PARP4: variants seen among roughly 807,000 people sequenced by gnomAD.
PARP4 encodes protein mono-ADP-ribosyltransferase PARP4.
PARP4 carries 120 observed loss-of-function variants against 187.7 expected under a neutral mutation model. The ratio of observed to expected loss-of-function variants is 0.64; its 90% confidence interval spans 0.55 to 0.74. The LOEUF (loss-of-function observed/expected upper bound fraction) is 0.74, where lower values mean the gene tolerates loss of function less well. Among genes scored for constraint, PARP4 ranks in the 30% least tolerant of loss-of-function variants. PARP4 has a pLI of 0.00. For missense variants in PARP4, 1,836 were observed against 2,070.5 expected (o/e 0.89, Z 2.20); for synonymous variants, 654 against 740.9 (o/e 0.88, Z 1.90).
Position 24,443,483 on chromosome 13 carries a change from C to T in PARP4, c.3447+167G>A, listed in dbSNP as rs1356557812. Among the ~76,000 whole-genome samples, 5 of 151,646 alleles carry T rather than the reference C, an allele frequency of 3.3e-5. No homozygotes were observed. In the East Asian group the frequency reaches 9.7e-4, roughly 29 times the overall value. On this transcript the variant is annotated intron_variant, in intron 28 of 33. Coordinates refer to ENST00000381989, the MANE Select transcript of PARP4 (RefSeq NM_006437.4). ...TGTTAATTCATTCAACAAACATTTA[C>T]CACACACCCCACATCCCAGGCACAG...
intron 9 of PARP4, 71 bp from the exon 10 acceptor site, chr13:24,490,899 A>G (rs1689430523): frequency 7.6e-7 from 1 of 1,314,430 alleles, no homozygotes; most frequent in Non-Finnish European, 1.1e-6. Context: ...TCACATTAAC[A>G]CTTTCTCAAA....
At position 24,446,757 on chromosome 13, in the gene PARP4, G is replaced by A. The variant is rs1254299999; in HGVS notation, c.3290C>T (p.Thr1097Ile). 2 of 1,585,804 alleles carry A rather than the reference G, an allele frequency of 1.3e-6. No individual in the cohort carries two copies. Among genetic ancestry groups the A allele is most frequent in the Non-Finnish European group, 1.7e-6 (2 of 1,154,656 alleles). Residue 1097 changes from threonine (T) to isoleucine (I), a missense_variant, in exon 27 of 34, where the codon ACT becomes ATT. Around this residue, in one of 8 missense-constraint regions of PARP4, gnomAD observed 56 missense variants for 56.6 expected, o/e 0.99. Coordinates refer to ENST00000381989, the MANE Select transcript of PARP4 (RefSeq NM_006437.4). ...TTTCTCTTGAATTAGTGCACACAGAGTTGCCTGAAATGGGGAAAAAAATAA... is the reference window on the plus strand; with the variant it reads ...TTTCTCTTGAATTAGTGCACACAGAATTGCCTGAAATGGGGAAAAAAATAA... ...YGFIPHCTQA[T>I]LCALIQEKEF...
At chr13:24,474,803 C>T (rs1038702440) in intron 15 of PARP4, among the ~76,000 whole-genome samples, 1 of 152,116 alleles carries the variant, frequency 6.6e-6, no homozygotes, top group African/African-American at 2.4e-5. Flanking sequence ...CATTCCTCTG[C>T]CAAACATCTA....
chr13:24,484,531 T>C lies in PARP4; in HGVS notation c.1448+122A>G, dbSNP rs115666185. 2,643 of 660,616 alleles carry C rather than the reference T, an allele frequency of 4.0e-3. 46 individuals are homozygous for C. Among genetic ancestry groups the C allele is most frequent in the African/African-American group, 0.036 (1,999 of 55,620 alleles). The allele number at this position is 660,616 out of a possible 1,614,324, so 40.9% of individuals were successfully genotyped here. A position where few individuals can be genotyped will look rare whatever the true frequency, so the allele number is the denominator to read the frequency against. ...AAGATGAAATAGTATTCCAGCCACA[T>C]TGAGGTCATATATAATAGATAAATC... On this transcript the variant is annotated intron_variant, in intron 12 of 33. Transcript: ENST00000381989.
Position 24,493,641 on chromosome 13 carries a change from C to T in PARP4, c.834G>A (p.Leu278=), listed in dbSNP as rs746419139. The T allele has an allele frequency of 4.3e-6, 7 of 1,613,874 alleles. No homozygotes were observed. The African/African-American group carries it at 9.3e-5, about 22-fold the overall frequency. Residue 278 remains leucine (L), a synonymous_variant, in exon 8 of 34, where the codon CTG becomes CTA. Transcript: ENST00000381989. ...EMIWAEALGH[L]EHMLLKPVNR... is the part of the protein sequence containing the mutation. The stretch of plus-strand genomic sequence containing the variant: ...TCACTGGCTTGAGAAGCATGTGTTC[C>T]AGGTGGCCCAGGGCCTCTGCCCAAA...
At chr13:24,421,475 T>A (rs1211778009) in intron 33 of PARP4, among the ~76,000 whole-genome samples, 161 bp from the exon 34 acceptor site, 1 of 152,286 alleles carries the variant, frequency 6.6e-6, no homozygotes, top group Admixed American at 6.5e-5. Context: ...CTTCTGCCCG[T>A]CTGACCTTGA....
chr13:24,452,861 GC>G (rs1456634597), intron 23 of PARP4, among the ~76,000 whole-genome samples: 1 of 152,142 alleles, frequency 6.6e-6, no homozygotes, highest in Non-Finnish European at 1.5e-5. Flanking sequence ...CATCCAATCA[GC>G]CCTGGATTTG....
chr13:24,445,299 C>A (rs6490935), intron 27 of PARP4, among the ~76,000 whole-genome samples: 4 of 151,540 alleles, frequency 2.6e-5, no homozygotes, highest in Admixed American at 6.6e-5. Flanking sequence ...CTAACAGGAC[C>A]CTTCAACCAC....
rs749455788 is a variant in PARP4, at chr13:24,453,661, A to G, written c.2759-7T>C. 6.4e-7 allele frequency: 1 copy of G among 1,570,762 alleles called. No homozygotes were observed. Among genetic ancestry groups the G allele is most frequent in the Non-Finnish European group, 8.8e-7 (1 of 1,140,612 alleles). ...GAAAATAGCTCCTTGTAACCTGTGT[A>G]ATAAGATCAGCATGAGGTGCTGCTT... is the stretch of plus-strand genomic sequence containing the variant. On this transcript the variant is annotated splice_region_variant and splice_polypyrimidine_tract_variant and intron_variant, in intron 22 of 33. Transcript: ENST00000381989.
At chr13:24,469,422 A>G (rs1365068808) in intron 16 of PARP4, among the ~76,000 whole-genome samples, 2 of 152,254 alleles carry the variant, frequency 1.3e-5, no homozygotes, top group Non-Finnish European at 2.9e-5. Flanking sequence ...GGGAAATTGT[A>G]GTTTCTAATT....
At chr13:24,459,347 A>G in intron 18 of PARP4, 37 bp from the exon 19 acceptor site, 2 of 1,484,122 alleles carry the variant, frequency 1.3e-6, no homozygotes, top group African/African-American at 1.4e-5. Context: ...AACTAAGCAT[A>G]TATTAAGTTT....
chr13:24,472,638 A>C (rs1449592265), intron 15 of PARP4, among the ~76,000 whole-genome samples: 1 of 152,050 alleles, frequency 6.6e-6, no homozygotes, highest in Non-Finnish European at 1.5e-5. Context: ...CAAAAACTTA[A>C]CTTTCCAAGC....
intron 14 of PARP4, among the ~76,000 whole-genome samples, chr13:24,477,324 A>T (rs1232311286): frequency 6.6e-6 from 1 of 151,966 alleles, no homozygotes; most frequent in Non-Finnish European, 1.5e-5. Flanking sequence ...TAAAAAAAAA[A>T]GTCACGGATG....
chr13:24,485,265 G>C (rs761511898), intron 11 of PARP4, among the ~76,000 whole-genome samples: 4 of 151,962 alleles, frequency 2.6e-5, no homozygotes, highest in Non-Finnish European at 5.9e-5. Context: ...GGGTTCATTT[G>C]TGTTTAATAT....
Position 24,434,920 on chromosome 13 carries a change from G to A in PARP4, c.4221C>T (p.Ser1407=), listed in dbSNP as rs1870538549. 2.5e-6 allele frequency: 4 copies of A among 1,614,130 alleles called. No homozygotes were observed. Among genetic ancestry groups the A allele is most frequent in the Non-Finnish European group, 3.4e-6 (4 of 1,180,024 alleles). Residue 1407 remains serine (S), a synonymous_variant, in exon 31 of 34, where the codon AGC becomes AGT. Transcript: ENST00000381989. ...GTTGCAGTGGAGCAGACTGTGCAGA[G>A]CTTAATGAGCTCCCTGAAAAAACAA... ...CGIVFSGSSL[S]SAQSAPLQHP...
chr13:24,495,320 C>T (rs1357432162), intron 6 of PARP4, among the ~76,000 whole-genome samples: 1 of 151,980 alleles, frequency 6.6e-6, no homozygotes, highest in Non-Finnish European at 1.5e-5. Flanking sequence ...CCTTACAAAC[C>T]AGTCTAACTA....
At chr13:24,484,317 T>C (rs1412240729) in intron 12 of PARP4, among the ~76,000 whole-genome samples, 4 of 152,124 alleles carry the variant, frequency 2.6e-5, no homozygotes, top group African/African-American at 9.7e-5. Context: ...TAGGTTCTAT[T>C]AGCGCCACCA....
At chr13:24,421,459 G>A in intron 33 of PARP4, 145 bp from the exon 34 acceptor site, 2 of 1,086,374 alleles carry the variant, frequency 1.8e-6, no homozygotes, top group Non-Finnish European at 2.6e-6. Flanking sequence ...GCATCTTACG[G>A]AAGTTCTTCT....
rs138287810 is a variant in PARP4 at position 24,451,948 on chromosome 13, C to T, written c.3014+458G>A. On this transcript the variant is annotated intron_variant, in intron 24 of 33. Transcript: ENST00000381989. The stretch of plus-strand genomic sequence containing the variant: ...GATGCGAAGGAGCAAAGCAGCCTGG[C>T]GGGGTCTGCCTGGAGGTCACATGCC... 5.1e-3 allele frequency: 781 copies of T among 154,166 alleles called. 11 individuals carry two copies. Among genetic ancestry groups the T allele is most frequent in the African/African-American group, 0.018 (748 of 41,636 alleles). 9.5% of individuals were successfully genotyped at this position (154,166 alleles called of 1,614,324 possible).
Sources: gnomAD v4.1 joint callset for allele counts (sites outside exome capture counted in the v4.1 genomes callset) on GRCh38, gnomAD v4.1.1 for gene constraint, gnomAD v4.1.1 regional missense constraint, MANE v1.5 for transcripts, NCBI Gene and HGNC (gene_info 2026-07-23, HGNC 2026-07-21) for gene names.